ARL17B: variants seen among roughly 807,000 people sequenced by gnomAD.
The protein encoded by ARL17B is ADP-ribosylation factor-like protein 17.
intron 4 of ARL17B, among the ~76,000 whole-genome samples, chr17:46,282,238 G>C (rs1330412962): frequency 2.6e-5 from 4 of 152,122 alleles, no homozygotes. Flanking sequence ...GAGTAGCTGG[G>C]ACTACAGGCG....
chr17:46,291,858 A>G (rs2532420), intron 4 of ARL17B, among the ~76,000 whole-genome samples: 21,303 of 150,678 alleles, frequency 0.14, 1,873 homozygotes, highest in Middle Eastern at 0.22. Context: ...ATACTTGGGA[A>G]CCTGAGGCGG....
intron 4 of ARL17B, among the ~76,000 whole-genome samples, chr17:46,276,758 A>G (rs1468081622): frequency 4.0e-5 from 6 of 151,688 alleles, no homozygotes; most frequent in Non-Finnish European, 8.8e-5. Context: ...GTCTTTATAC[A>G]ATTCTTTGCA....
rs1406176698 is a variant in ARL17B, at chr17:46,287,435, G to A, written c.*22-12017C>T. Among the ~76,000 whole-genome samples the A allele has an allele frequency of 1.6e-4, 24 of 152,298 alleles. No individual in the cohort carries two copies. The Middle Eastern group carries it at 0.014, about 86-fold the overall frequency. ...TTTAAATTTGAAAACAAAGCAAAGC[G>A]CAAACACCAAGTAGAAGTTACACTA... On this transcript the variant is annotated intron_variant, in intron 4 of 4. Coordinates refer to the ARL17B transcript ENST00000570618.
chr17:46,279,749 C>A (rs1341464084), intron 4 of ARL17B, among the ~76,000 whole-genome samples: 1 of 152,134 alleles, frequency 6.6e-6, no homozygotes, highest in Non-Finnish European at 1.5e-5. Context: ...CCTGCCTCAG[C>A]CTCTCAATGT....
intron 4 of ARL17B, among the ~76,000 whole-genome samples, chr17:46,291,969 CAAAAAAAA>C (rs59554870): frequency 1.7e-5 from 1 of 58,090 alleles, no homozygotes; most frequent in Non-Finnish European, 3.2e-5. Flanking sequence ...TCTCAAAAAG[CAAAAAAAA>C]AAAAAAAAAA....
intron 4 of ARL17B, chr17:46,275,458 A>G: frequency 2.5e-6 from 2 of 814,208 alleles, no homozygotes; most frequent in Admixed American, 2.2e-5. Context: ...AGCACCTTTC[A>G]TTTTTGAAAA....
chr17:46,291,366 A>C (rs2050061727), intron 4 of ARL17B, among the ~76,000 whole-genome samples: 1 of 152,088 alleles, frequency 6.6e-6, no homozygotes, highest in Non-Finnish European at 1.5e-5. Flanking sequence ...CAGACACAAA[A>C]CTGTGAGCAG....
chr17:46,283,937 CA>C (rs2049838759), intron 4 of ARL17B, among the ~76,000 whole-genome samples: 1 of 152,268 alleles, frequency 6.6e-6, no homozygotes, highest in Non-Finnish European at 1.5e-5. Context: ...GATACACATA[CA>C]CATAAACATC....
chr17:46,278,732 A>C (rs2696529), intron 4 of ARL17B, among the ~76,000 whole-genome samples: 18,708 of 149,998 alleles, frequency 0.12, 2 homozygotes, highest in Middle Eastern at 0.19. Flanking sequence ...TATAATTTAA[A>C]AATTATATCA....
intron 4 of ARL17B, among the ~76,000 whole-genome samples, chr17:46,292,010 T>C (rs566636246): frequency 1.8e-5 from 2 of 112,418 alleles, no homozygotes; most frequent in Non-Finnish European, 3.8e-5. Context: ...AATGGTCTAA[T>C]CTGAATTCAC....
At chr17:46,280,459 C>T (rs2049731289) in intron 4 of ARL17B, among the ~76,000 whole-genome samples, 1 of 152,090 alleles carries the variant, frequency 6.6e-6, no homozygotes, top group South Asian at 2.1e-4. Context: ...GGGAGGATCG[C>T]TTGAGCTCAG....
chr17:46,288,704 TTC>T (rs2049985943), intron 4 of ARL17B, among the ~76,000 whole-genome samples: 126 of 148,818 alleles, frequency 8.5e-4, no homozygotes, highest in African/African-American at 2.7e-3. Context: ...ATCTTGTTTT[TTC>T]TTTTTTTTTT....
At chr17:46,280,529 TAAAAAG>T in intron 4 of ARL17B, among the ~76,000 whole-genome samples, 1 of 149,378 alleles carries the variant, frequency 6.7e-6, no homozygotes, top group Non-Finnish European at 1.5e-5. Flanking sequence ...TATATATTAT[TAAAAAG>T]AAAAAAATTT....
chr17:46,292,308 G>C (rs553026056), intron 4 of ARL17B, among the ~76,000 whole-genome samples: 1 of 75,716 alleles, frequency 1.3e-5, no homozygotes, highest in East Asian at 2.5e-4. Context: ...TTCCAGCCTG[G>C]GTGACAGAGC....
chr17:46,278,659 C>A (rs2049668278), intron 4 of ARL17B, among the ~76,000 whole-genome samples: 1 of 152,094 alleles, frequency 6.6e-6, no homozygotes, highest in African/African-American at 2.4e-5. Flanking sequence ...GCCTCGGCCT[C>A]CCAAAGTGCT....
At chr17:46,292,919 T>C (rs2143481100) in intron 4 of ARL17B, 1 of 68,410 alleles carries the variant, frequency 1.5e-5, no homozygotes, top group African/African-American at 3.6e-5. Flanking sequence ...AATGGAGCTA[T>C]CCCTATATAG....
chr17:46,280,885 C>G (rs373142527), intron 4 of ARL17B, among the ~76,000 whole-genome samples: 1 of 151,498 alleles, frequency 6.6e-6, no homozygotes. Flanking sequence ...CAATAGCACA[C>G]GCTTTTAAAA....
chr17:46,357,078 C>T (rs1438788035), intron 2 of ARL17B, among the ~76,000 whole-genome samples: 3 of 64,554 alleles, frequency 4.6e-5, no homozygotes, highest in African/African-American at 2.2e-4. Flanking sequence ...GAGGCTGAGG[C>T]ATGAGAATCG....
rs2049979101 is a variant in ARL17B, at chr17:46,288,488, TG to T, written c.*21+11037del. 2.0e-5 allele frequency among the ~76,000 whole-genome samples: 3 copies of T among 151,954 alleles called. No homozygotes were observed. The South Asian group carries it at 6.2e-4, about 31-fold the overall frequency. ...CACATCTGGCTAATTTTTGCATTTT[TG>T]GTTGTGCCACGTTGGCCAGGCTGGT... On this transcript the variant is annotated intron_variant, in intron 4 of 4. Coordinates refer to the ARL17B transcript ENST00000570618.
Sources: allele counts gnomAD v4.1 joint callset (sites outside exome capture counted in the v4.1 genomes callset), GRCh38; gene constraint gnomAD v4.1.1; transcripts MANE v1.5; gene names NCBI Gene and HGNC (gene_info 2026-07-23, HGNC 2026-07-21).